Variants in LRRFIP1 observed in about 807,000 individuals in gnomAD.
LRRFIP1 encodes the protein LRR binding FLII interacting protein 1.
Under a neutral mutation model 104.4 loss-of-function variants are expected in LRRFIP1, and 62 were observed. The observed-to-expected ratio is 0.59, with a 90% CI of 0.48 to 0.73. The LOEUF (loss-of-function observed/expected upper bound fraction) is 0.73, where lower values mean the gene tolerates loss of function less well. Ranked by LOEUF, LRRFIP1 falls within the 30% of genes least tolerant of loss-of-function variation. The pLI, the probability that LRRFIP1 is intolerant of heterozygous loss-of-function variation, is 0.00. For missense variants in LRRFIP1, 796 were observed against 824.5 expected, an observed-to-expected ratio of 0.97 and a Z score of 0.42; for synonymous variants, 300 against 299.0, an observed-to-expected ratio of 1.00 and a Z score of -0.03.
intron 11 of LRRFIP1, among the ~76,000 whole-genome samples, chr2:237,743,165 C>T (rs2057350915): frequency 6.6e-6 from 1 of 152,082 alleles, no homozygotes; most frequent in Admixed American, 6.5e-5. Context: ...TATCCAGGGC[C>T]AGTATGAGTG....
intron 2 of LRRFIP1, among the ~76,000 whole-genome samples, chr2:237,710,271 A>G (rs2150042791): frequency 6.6e-6 from 1 of 151,708 alleles, no homozygotes; most frequent in Middle Eastern, 3.4e-3. Flanking sequence ...ATAAAAACGT[A>G]TTGATTGTAT....
chr2:237,671,055 C>T (rs150129460), intron 1 of LRRFIP1, among the ~76,000 whole-genome samples: 5 of 152,172 alleles, frequency 3.3e-5, no homozygotes, highest in Admixed American at 1.3e-4. Flanking sequence ...ATCTGAAGAG[C>T]GCTATGTTCT....
rs757229538 is a variant in LRRFIP1 at position 237,763,586 on chromosome 2, G to A, written c.1459+3381G>A. On this transcript the variant is annotated intron_variant, in intron 19 of 23. Coordinates refer to ENST00000308482, the MANE Select transcript of LRRFIP1 (RefSeq NM_001137550.2). Reference sequence around the variant, plus strand: ...AAAGTCAGCAGTGGAAGCCCAAAACGAGGTGACTGAAAATCCAAAACAGAA... The same window carrying A: ...AAAGTCAGCAGTGGAAGCCCAAAACAAGGTGACTGAAAATCCAAAACAGAA... 1.2e-5 allele frequency: 19 copies of A among 1,613,084 alleles called. No individual in the cohort carries two copies. The Middle Eastern group carries it at 1.2e-3, about 98-fold the overall frequency.
At chr2:237,723,767 G>T (rs545609811) in intron 7 of LRRFIP1, among the ~76,000 whole-genome samples, 181 bp downstream of exon 7, 2 of 152,354 alleles carry the variant, frequency 1.3e-5, no homozygotes, top group Non-Finnish European at 2.9e-5. Flanking sequence ...GGCCTCCAGG[G>T]TGCAGCCCTG....
chr2:237,745,668 A>G (rs972054298), intron 11 of LRRFIP1, among the ~76,000 whole-genome samples: 3 of 152,242 alleles, frequency 2.0e-5, no homozygotes, highest in Admixed American at 2.0e-4. Context: ...ACCAGAAAGA[A>G]AAAAGGGCTT....
chr2:237,680,605 G>A (rs1026463386), intron 1 of LRRFIP1, among the ~76,000 whole-genome samples: 1 of 152,186 alleles, frequency 6.6e-6, no homozygotes, highest in African/African-American at 2.4e-5. Context: ...TAGAACCAAT[G>A]CCCCTTGAAT....
intron 1 of LRRFIP1, among the ~76,000 whole-genome samples, chr2:237,664,864 A>G (rs1486449108): frequency 6.6e-6 from 1 of 152,196 alleles, no homozygotes; most frequent in East Asian, 1.9e-4. Context: ...AGACTCCTGG[A>G]GCACCCAGAT....
intron 14 of LRRFIP1, 28 bp downstream of exon 14, chr2:237,751,299 C>T (rs139127482): frequency 5.3e-6 from 8 of 1,509,938 alleles, no homozygotes; most frequent in East Asian, 2.3e-5. Context: ...TGTGGTCTCA[C>T]GATATTAACC....
intron 6 of LRRFIP1, chr2:237,721,928 G>A (rs932419071): frequency 1.3e-5 from 2 of 152,180 alleles, no homozygotes; most frequent in African/African-American, 2.4e-5. Flanking sequence ...CCGTTACCTC[G>A]GGACCGTCTG....
At chr2:237,708,177 C>T (rs1338500902) in intron 1 of LRRFIP1, among the ~76,000 whole-genome samples, 23 of 152,232 alleles carry the variant, frequency 1.5e-4, no homozygotes, top group Non-Finnish European at 4.4e-5. Flanking sequence ...CCCAGCCCTG[C>T]CACCTACAGG....
At chr2:237,765,308 C>G (rs7591003) in intron 19 of LRRFIP1, 1 of 201,114 alleles carries the variant, frequency 5.0e-6, no homozygotes, top group Non-Finnish European at 8.7e-6. Context: ...AATGTTTTCA[C>G]GCCTGTAAAC....
intron 23 of LRRFIP1, among the ~76,000 whole-genome samples, chr2:237,778,560 G>A (rs2061284653): frequency 6.6e-6 from 1 of 152,370 alleles, no homozygotes; most frequent in African/African-American, 2.4e-5. Context: ...TCGCCATGCA[G>A]TCCAGGCTCA....
At chr2:237,702,516 C>G (rs1287424338) in intron 1 of LRRFIP1, among the ~76,000 whole-genome samples, 1 of 152,172 alleles carries the variant, frequency 6.6e-6, no homozygotes, top group African/African-American at 2.4e-5. Context: ...GCTCCTCCCT[C>G]TGCTCCATCC....
At chr2:237,749,889 T>C (rs1310264171) in intron 13 of LRRFIP1, among the ~76,000 whole-genome samples, 4 of 152,176 alleles carry the variant, frequency 2.6e-5, no homozygotes, top group Admixed American at 1.3e-4. Flanking sequence ...TTTGGTAGTA[T>C]TCTGTGTGTG....
rs566751583 is a variant in LRRFIP1, at chr2:237,735,695, A to G, written c.555+362A>G. The G allele has an allele frequency of 2.0e-4, 41 of 209,422 alleles. No individual in the cohort carries two copies. The highest frequency in any genetic ancestry group is 9.6e-6 in the Non-Finnish European group (1 of 104,428). 13.0% of individuals were successfully genotyped at this position (209,422 alleles called of 1,614,324 possible). A position where few individuals can be genotyped will look rare whatever the true frequency, so the allele number is the denominator to read the frequency against. ...ATTCTCGTCCCTGGATAGTTGAGGA[A>G]GAGGAACAAATTTTAAAACTTGGAA... On this transcript the variant is annotated intron_variant, in intron 10 of 23. Transcript: ENST00000308482. The surrounding 1 kb of genome is among the most constrained non-coding windows in gnomAD (Gnocchi z 4.6).
At chr2:237,757,576 C>T in intron 17 of LRRFIP1, 28 bp downstream of exon 17, 1 of 1,489,320 alleles carries the variant, frequency 6.7e-7, no homozygotes, top group Non-Finnish European at 9.2e-7. Context: ...TGAAAATCTA[C>T]TCAAATGGGC....
intron 1 of LRRFIP1, among the ~76,000 whole-genome samples, chr2:237,667,737 T>C (rs910588455): frequency 6.6e-6 from 1 of 152,168 alleles, no homozygotes; most frequent in Admixed American, 6.5e-5. Context: ...GTGGCTTTCA[T>C]AGTATTCATT....
intron 1 of LRRFIP1, among the ~76,000 whole-genome samples, chr2:237,666,162 A>G (rs1422077561): frequency 2.0e-5 from 3 of 152,228 alleles, no homozygotes; most frequent in Non-Finnish European, 4.4e-5. Context: ...TTAATAAGAG[A>G]ACTGGCACAC....
intron 1 of LRRFIP1, among the ~76,000 whole-genome samples, chr2:237,652,587 G>A (rs1331640587): frequency 1.3e-5 from 2 of 152,240 alleles, no homozygotes; most frequent in Admixed American, 6.5e-5. Flanking sequence ...GTACTTCTGA[G>A]TGTTCACCGA....
Sources: gnomAD v4.1 joint callset for allele counts (sites outside exome capture counted in the v4.1 genomes callset) on GRCh38, gnomAD v4.1.1 for gene constraint, Gnocchi (gnomAD v3.1) non-coding constraint, MANE v1.5 for transcripts, NCBI Gene and HGNC (gene_info 2026-07-23, HGNC 2026-07-21) for gene names.